Variants in ZMAT1 observed in about 807,000 individuals in gnomAD.
The protein encoded by ZMAT1 is zinc finger matrin-type protein 1.
ZMAT1 carries 11 observed loss-of-function variants against 18.5 expected under a neutral mutation model. The ratio of observed to expected loss-of-function variants is 0.59; its 90% CI spans 0.37 to 0.98. ZMAT1 has a LOEUF of 0.98. Among genes scored for constraint, ZMAT1 ranks in the 50% least tolerant of loss-of-function variants. The pLI is 0.01. For synonymous variants in ZMAT1, 211 were observed against 176.4 expected (o/e 1.20, Z -1.55); for missense variants, 525 against 496.2 (o/e 1.06, Z -0.55).
At chrX:101,898,874 C>T (rs1056153367) in intron 2 of ZMAT1, among the ~76,000 whole-genome samples, 1 of 111,396 alleles carries the variant, frequency 9.0e-6, no homozygotes, top group Non-Finnish European at 1.9e-5. Context: ...CATGTGAAAC[C>T]CTGTCTCTAC....
At chrX:101,894,381 T>C (rs1927651053) in intron 4 of ZMAT1, 3 of 727,583 alleles carry the variant, frequency 4.1e-6, no homozygotes, top group Non-Finnish European at 4.9e-6. Context: ...ATTCAGGAGG[T>C]AGAAGAGTCA....
At chrX:101,904,699 T>C (rs1193790178) in intron 1 of ZMAT1, among the ~76,000 whole-genome samples, 1 of 110,690 alleles carries the variant, frequency 9.0e-6, no homozygotes, top group African/African-American at 3.3e-5. Context: ...TCCCAGCACT[T>C]TGGGAGGCTG....
intron 1 of ZMAT1, among the ~76,000 whole-genome samples, chrX:101,918,323 A>C (rs1929473850): frequency 9.0e-6 from 1 of 110,740 alleles, no homozygotes; most frequent in Non-Finnish European, 1.9e-5. Context: ...TGAAAAGTAA[A>C]GGCCGGGCAT....
At chrX:101,928,191 A>G (rs1333467462) in intron 1 of ZMAT1, among the ~76,000 whole-genome samples, 5 of 111,785 alleles carry the variant, frequency 4.5e-5, no homozygotes, top group Non-Finnish European at 9.4e-5. Flanking sequence ...CCTTATTTAA[A>G]TATTTTATAA....
chrX:101,921,879 T>C (rs765211206), intron 1 of ZMAT1, among the ~76,000 whole-genome samples: 42 of 111,472 alleles, frequency 3.8e-4, no homozygotes, highest in African/African-American at 1.2e-3. Context: ...TTCACCATTT[T>C]TTGGTGGTCA....
At chrX:101,912,076 C>T in intron 1 of ZMAT1, 2 of 1,103,972 alleles carry the variant, frequency 1.8e-6, no homozygotes, top group Non-Finnish European at 2.5e-6. Context: ...CTGGATAAAC[C>T]CACTCCACAT....
At chrX:101,896,926 GTAAC>G (rs1927850764) in intron 4 of ZMAT1, among the ~76,000 whole-genome samples, 1 of 110,173 alleles carries the variant, frequency 9.1e-6, no homozygotes, top group Non-Finnish European at 1.9e-5. Context: ...TAAGTACTCA[GTAAC>G]TAACTGATGA....
intron 1 of ZMAT1, among the ~76,000 whole-genome samples, chrX:101,919,506 A>C (rs778131773): frequency 6.3e-5 from 7 of 111,724 alleles, no homozygotes; most frequent in Non-Finnish European, 1.3e-4. Context: ...CACATGTTGG[A>C]GATGACAAAC....
rs184980859 is a variant in ZMAT1 at position 101,883,160 on chromosome X, C to T, written c.*350G>A. On this transcript the variant is annotated 3_prime_UTR_variant, in exon 6 of 6. Transcript: ENST00000651725. The stretch of plus-strand genomic sequence containing the variant: ...TGATCCTCTTGCTTTTGTCTAAAGT[C>T]CATTTTCTTAGCTGATTTCCTCAAT... The T allele has an allele frequency of 6.9e-4, 87 of 126,055 alleles. No homozygotes were observed. Among genetic ancestry groups the T allele is most frequent in the African/African-American group, 2.7e-3 (83 of 30,610 alleles). 10.4% of individuals were successfully genotyped at this position (126,055 alleles called of 1,213,427 possible).
intron 1 of ZMAT1, among the ~76,000 whole-genome samples, chrX:101,921,202 C>T (rs1929700637): frequency 9.0e-6 from 1 of 111,421 alleles, no homozygotes; most frequent in African/African-American, 3.3e-5. Flanking sequence ...CCTAGCTGCA[C>T]AGCAGAATCA....
intron 1 of ZMAT1, among the ~76,000 whole-genome samples, chrX:101,909,157 C>A (rs1432298237): frequency 9.1e-6 from 1 of 109,871 alleles, no homozygotes; most frequent in East Asian, 2.9e-4. Context: ...CATTTCAAGA[C>A]ACACCCTGAG....
At chrX:101,925,096 G>A (rs1338204227) in intron 1 of ZMAT1, among the ~76,000 whole-genome samples, 1 of 112,236 alleles carries the variant, frequency 8.9e-6, no homozygotes, top group African/African-American at 3.2e-5. Context: ...CAGCTGCCCT[G>A]CAGAGTCAAC....
intron 1 of ZMAT1, among the ~76,000 whole-genome samples, chrX:101,917,231 T>G (rs1929395093): frequency 9.0e-6 from 1 of 111,216 alleles, no homozygotes; most frequent in Admixed American, 9.5e-5. Context: ...AAGGATATAA[T>G]CAACAAAGTG....
chrX:101,891,583 G>A (rs920861771), intron 4 of ZMAT1, among the ~76,000 whole-genome samples: 2 of 110,796 alleles, frequency 1.8e-5, no homozygotes, highest in African/African-American at 6.6e-5. Flanking sequence ...TGTATGGGTG[G>A]GCACAGGAAT....
rs1035725363 is a variant in ZMAT1, at chrX:101,894,885, C to T, written c.676+2983G>A. The T allele has an allele frequency of 9.7e-5, 73 of 750,231 alleles. No individual in the cohort carries two copies. The African/African-American group carries it at 1.5e-3, about 16-fold the overall frequency. 61.8% of individuals were successfully genotyped at this position (750,231 alleles called of 1,213,427 possible). Reference sequence around the variant, plus strand: ...GAGAATATGAAAGGGGAATAAAATACACTAGTAGTGAGAAGGTGCCTGTGG... The same window carrying T: ...GAGAATATGAAAGGGGAATAAAATATACTAGTAGTGAGAAGGTGCCTGTGG... On this transcript the variant is annotated intron_variant, in intron 4 of 5. Coordinates refer to ENST00000651725, the MANE Select transcript of ZMAT1 (RefSeq NM_001394560.1).
In ZMAT1 at chrX:101,882,601, C is replaced by T. The variant is rs1926550621; in HGVS notation, c.*909G>A. On this transcript the variant is annotated 3_prime_UTR_variant, in exon 6 of 6. Transcript: ENST00000651725. ...ACTGATTTTGTAACGCTTGGTAATTCTGTCCTTTAAAATAAATTATCTCCC... is the reference window on the plus strand; with the variant it reads ...ACTGATTTTGTAACGCTTGGTAATTTTGTCCTTTAAAATAAATTATCTCCC... 1.8e-5 allele frequency: 2 copies of T among 111,806 alleles called. No individual in the cohort carries two copies. The highest frequency in any genetic ancestry group is 7.5e-4 in the South Asian group (2 of 2,673). The allele number at this position is 111,806 out of a possible 1,213,427, so 9.2% of individuals were successfully genotyped here.
chrX:101,915,216 A>C (rs1264921838), intron 1 of ZMAT1, among the ~76,000 whole-genome samples: 1 of 111,520 alleles, frequency 9.0e-6, no homozygotes, highest in African/African-American at 3.3e-5. Context: ...CTACAGACCC[A>C]CAGCTAGTAT....
At chrX:101,895,740 G>T in intron 4 of ZMAT1, 1 of 494,937 alleles carries the variant, frequency 2.0e-6, no homozygotes, top group Non-Finnish European at 2.5e-6. Context: ...GATAGAGCTT[G>T]CAAAATTTGT....
At chrX:101,909,414 T>A (rs920544694) in intron 1 of ZMAT1, among the ~76,000 whole-genome samples, 1 of 111,590 alleles carries the variant, frequency 9.0e-6, no homozygotes, top group Non-Finnish European at 1.9e-5. Flanking sequence ...GGACTTTGTC[T>A]TACCCCTTAG....
Sources: allele counts gnomAD v4.1 joint callset (sites outside exome capture counted in the v4.1 genomes callset), GRCh38; gene constraint gnomAD v4.1.1; transcripts MANE v1.5; gene names NCBI Gene and HGNC (gene_info 2026-07-23, HGNC 2026-07-21).